KIT: variants seen among roughly 807,000 people sequenced by gnomAD.
KIT encodes KIT proto-oncogene, receptor tyrosine kinase, also known as mast/stem cell growth factor receptor Kit.
Under a neutral mutation model 105.7 loss-of-function variants are expected in KIT, and 16 were observed. The observed-to-expected ratio is 0.15, with a 90% CI of 0.10 to 0.23. The LOEUF (loss-of-function observed/expected upper bound fraction) is 0.23, where lower values mean the gene tolerates loss of function less well. KIT is among the 10% of genes least tolerant of loss of function. KIT has a pLI of 1.00. For synonymous variants in KIT, 438 were observed against 441.1 expected, an observed-to-expected ratio of 0.99 and a Z score of 0.09; for missense variants, 858 against 1,213.8, an observed-to-expected ratio of 0.71 and a Z score of 4.36.
At chr4:54,678,763 G>T (rs1451053514) in intron 1 of KIT, among the ~76,000 whole-genome samples, 1 of 152,070 alleles carries the variant, frequency 6.6e-6, no homozygotes, top group Non-Finnish European at 1.5e-5. Context: ...TACAAAGCTG[G>T]ACCCACTTTT....
intron 4 of KIT, among the ~76,000 whole-genome samples, chr4:54,701,569 G>A (rs1328327667): frequency 6.6e-6 from 1 of 152,148 alleles, no homozygotes. Flanking sequence ...TTACTTGCTT[G>A]TAATCAGAAT....
intron 1 of KIT, among the ~76,000 whole-genome samples, chr4:54,659,661 G>T (rs1259374615): frequency 6.6e-6 from 1 of 152,108 alleles, no homozygotes; most frequent in Non-Finnish European, 1.5e-5. Context: ...GGAGTGTTCG[G>T]ATTCTCTGGA....
chr4:54,681,811 G>A (rs534999179), intron 1 of KIT, among the ~76,000 whole-genome samples: 1 of 152,058 alleles, frequency 6.6e-6, no homozygotes, highest in East Asian at 2.0e-4. Flanking sequence ...AGGCCAAGTC[G>A]GGTGGATCAC....
At chr4:54,665,646 G>A (rs1005834594) in intron 1 of KIT, among the ~76,000 whole-genome samples, 6 of 152,166 alleles carry the variant, frequency 3.9e-5, no homozygotes, top group Admixed American at 2.0e-4. Context: ...GAGTATTGTT[G>A]ATACTATGGA....
chr4:54,722,076 C>G (rs1299962597), intron 7 of KIT, among the ~76,000 whole-genome samples: 3 of 152,162 alleles, frequency 2.0e-5, no homozygotes, highest in Non-Finnish European at 4.4e-5. Flanking sequence ...ACCTCTGCCT[C>G]CTGGGTTCAA....
rs200127012 is a variant in KIT, at chr4:54,726,009, C to T, written c.1499C>T (p.Thr500Ile). The change falls in exon 9 of 21, where the codon ACT becomes ATT. Residue 500 changes from threonine to isoleucine, a missense_variant. Physicochemically the swap from Thr to Ile is moderately conservative, Grantham distance 89 (BLOSUM62 -1). This residue lies in a region of KIT where 401 missense variants were observed against 601.0 expected (regional missense o/e 0.67). Coordinates refer to ENST00000288135, the MANE Select transcript of KIT (RefSeq NM_000222.3). ...AAGGCTTACAACGATGTGGGCAAGACTTCTGCCTATTTTAACTTTGCATTT... is the reference window on the plus strand; with the variant it reads ...AAGGCTTACAACGATGTGGGCAAGATTTCTGCCTATTTTAACTTTGCATTT... ...ECKAYNDVGK[T>I]SAYFNFAFKG... 6.2e-7 allele frequency: 1 copy of T among 1,614,140 alleles called. No homozygotes were observed. Among genetic ancestry groups the T allele is most frequent in the Admixed American group, 1.7e-5 (1 of 60,018 alleles).
At chr4:54,711,211 T>C (rs1330539890) in intron 7 of KIT, among the ~76,000 whole-genome samples, 1 of 152,230 alleles carries the variant, frequency 6.6e-6, no homozygotes, top group Admixed American at 6.5e-5. Flanking sequence ...AATTGTCTTA[T>C]TTGATGCTAC....
intron 7 of KIT, among the ~76,000 whole-genome samples, chr4:54,715,022 CAATTT>C (rs1300430693): frequency 2.0e-5 from 3 of 152,256 alleles, no homozygotes; most frequent in East Asian, 1.9e-4. Context: ...GGTTGAGAAA[CAATTT>C]AAGGAAATGT....
chr4:54,732,298 G>A (rs1332072461), intron 16 of KIT, among the ~76,000 whole-genome samples: 1 of 151,958 alleles, frequency 6.6e-6, no homozygotes, highest in Admixed American at 6.6e-5. Context: ...TTAGGATATA[G>A]GATATGTTCC....
intron 7 of KIT, among the ~76,000 whole-genome samples, chr4:54,714,348 T>C (rs544536169): frequency 1.7e-4 from 25 of 146,570 alleles, no homozygotes; most frequent in Admixed American, 8.3e-4. Flanking sequence ...TTGGTTATAT[T>C]AAATGTCACA....
intron 1 of KIT, among the ~76,000 whole-genome samples, chr4:54,661,996 T>C (rs1717308789): frequency 1.3e-5 from 2 of 152,242 alleles, no homozygotes; most frequent in Admixed American, 1.3e-4. Context: ...TTCTTTGGCC[T>C]ACATGATGCT....
At chr4:54,726,930 T>A (rs544261339) in intron 9 of KIT, among the ~76,000 whole-genome samples, 51 of 152,320 alleles carry the variant, frequency 3.3e-4, no homozygotes, top group Non-Finnish European at 1.5e-4. Flanking sequence ...GATTGAAGTA[T>A]AAAGTGCATT....
chr4:54,692,663 A>G (rs2109649785), intron 1 of KIT, among the ~76,000 whole-genome samples: 1 of 152,264 alleles, frequency 6.6e-6, no homozygotes, highest in Admixed American at 6.5e-5. Flanking sequence ...TAGCATCTCT[A>G]TTGCTGCCTC....
rs1721735942 is a variant in KIT, at chr4:54,719,646, T to G, written c.1232-3938T>G. Among the ~76,000 whole-genome samples the G allele has an allele frequency of 2.0e-5, 3 of 152,194 alleles. No homozygotes were observed. The South Asian group carries it at 6.2e-4, about 31-fold the overall frequency. On this transcript the variant is annotated intron_variant, in intron 7 of 20. Transcript: ENST00000288135. Reference sequence around the variant, plus strand: ...ATCTAAACCTCCAACTTGGGAGGAATTAGAGAATGTGTCATTTGCTATACT... The same window carrying G: ...ATCTAAACCTCCAACTTGGGAGGAAGTAGAGAATGTGTCATTTGCTATACT...
intron 14 of KIT, among the ~76,000 whole-genome samples, chr4:54,730,390 A>G (rs752907859): frequency 2.6e-5 from 4 of 152,188 alleles, no homozygotes; most frequent in Non-Finnish European, 5.9e-5. Context: ...AGGAGACCTC[A>G]GTAAATATTA....
intron 1 of KIT, among the ~76,000 whole-genome samples, chr4:54,676,788 G>A (rs1049262117): frequency 1.3e-5 from 2 of 152,016 alleles, no homozygotes; most frequent in South Asian, 4.1e-4. Context: ...TGGAGTGCAC[G>A]CTGCACCCCC....
chr4:54,736,415 G>A, intron 17 of KIT, 83 bp from the exon 18 acceptor site: 1 of 1,058,004 alleles, frequency 9.5e-7, no homozygotes, highest in Non-Finnish European at 1.5e-6. Flanking sequence ...TTCAGCAACA[G>A]CAGCATCTAT....
In KIT at chr4:54,709,609, G is replaced by T. The variant is rs760658354; in HGVS notation, c.1231+70G>T. ...GTTGTGGCTCGTGTTTGTAACAGCT[G>T]CAAGGACTCAACTTGTGTACTATGT... On this transcript the variant is annotated intron_variant, in intron 7 of 20. Coordinates refer to ENST00000288135, the MANE Select transcript of KIT (RefSeq NM_000222.3). 3 of 915,728 alleles carry T rather than the reference G, an allele frequency of 3.3e-6. No homozygotes were observed. The East Asian group carries it at 7.4e-5, about 23-fold the overall frequency. 56.7% of individuals were successfully genotyped at this position (915,728 alleles called of 1,614,324 possible).
chr4:54,657,996 T>C lies in KIT; in HGVS notation c.-19T>C, dbSNP rs1473290015. ...GCTGGAACGTGGACCAGAGCTCGGA[T>C]CCCATCGCAGCTACCGCGATGAGAG... On this transcript the variant is annotated 5_prime_UTR_variant, in exon 1 of 21. Transcript: ENST00000288135. 1 of 1,612,452 alleles carries C rather than the reference T, an allele frequency of 6.2e-7. No homozygotes were observed. Among genetic ancestry groups the C allele is most frequent in the Admixed American group, 1.7e-5 (1 of 59,960 alleles).
Sources: allele counts gnomAD v4.1 joint callset (sites outside exome capture counted in the v4.1 genomes callset), GRCh38; gene constraint gnomAD v4.1.1; regional missense constraint gnomAD v4.1.1; transcripts MANE v1.5; gene names NCBI Gene and HGNC (gene_info 2026-07-23, HGNC 2026-07-21).